Variants in RBPJ observed in about 807,000 individuals in gnomAD.
RBPJ encodes the protein recombination signal binding protein for immunoglobulin kappa J region.
In RBPJ, 9 loss-of-function variants were observed where a neutral mutation model predicts 67.8. That is an observed-to-expected ratio of 0.13 (90% confidence interval 0.08 to 0.23). RBPJ has a LOEUF of 0.23. Among genes scored for constraint, RBPJ ranks in the 10% least tolerant of loss-of-function variants. The pLI is 1.00. For missense variants in RBPJ, 305 were observed against 595.6 expected (o/e 0.51, Z 5.08); for synonymous variants, 198 against 203.3 (o/e 0.97, Z 0.22).
At position 26,430,026 on chromosome 4, in the gene RBPJ, T is replaced by A. The variant is rs115876934; in HGVS notation, c.1017T>A (p.Thr339=). 2.5e-6 allele frequency: 4 copies of A among 1,614,102 alleles called. No homozygotes were observed. In the East Asian group the frequency reaches 6.7e-5, roughly 27 times the overall value. The change falls in exon 9 of 11, where the codon ACT becomes ACA. Residue 339 remains threonine (T), a synonymous_variant. Coordinates refer to ENST00000355476, the MANE Select transcript of RBPJ (RefSeq NM_015874.6). The surrounding 1 kb of genome is among the most constrained non-coding windows in gnomAD (Gnocchi z 4.1). Reference sequence around the variant, plus strand: ...TGGGCCCTGTCCTTGCCCCAGTCACTCCTGTGCCTGTGGTAGAGAGCCTTC... The same window carrying A: ...TGGGCCCTGTCCTTGCCCCAGTCACACCTGTGCCTGTGGTAGAGAGCCTTC... The part of the protein sequence containing the change: ...EGMGPVLAPV[T]PVPVVESLQL...
intron 1 of RBPJ, among the ~76,000 whole-genome samples, chr4:26,312,947 TTC>T (rs770957382): frequency 6.6e-6 from 1 of 152,112 alleles, no homozygotes; most frequent in Non-Finnish European, 1.5e-5. Flanking sequence ...AGATGACAGG[TTC>T]TCTCTCTGTC....
chr4:26,119,624 A>C, the RBPJ span, among the ~76,000 whole-genome samples: 1 of 152,058 alleles, frequency 6.6e-6, no homozygotes. Context: ...TTCCGTGTTC[A>C]ATTTTATTTT....
chr4:26,131,532 C>T, the RBPJ span, among the ~76,000 whole-genome samples: 1 of 152,096 alleles, frequency 6.6e-6, no homozygotes, highest in Non-Finnish European at 1.5e-5. Flanking sequence ...ATAGTGACCC[C>T]AAAAGATATC....
At chr4:26,246,154 C>A (rs1165576231) in intron 1 of RBPJ, among the ~76,000 whole-genome samples, 1 of 152,192 alleles carries the variant, frequency 6.6e-6, no homozygotes, top group Non-Finnish European at 1.5e-5. Context: ...AATTTGGGAA[C>A]TATTATCATC....
chr4:26,131,357 G>A, the RBPJ span, among the ~76,000 whole-genome samples: 1 of 152,216 alleles, frequency 6.6e-6, no homozygotes, highest in South Asian at 2.1e-4. Context: ...TTTAAAAAAT[G>A]TTACAGAAAA....
intron 1 of RBPJ, among the ~76,000 whole-genome samples, chr4:26,163,836 G>A (rs184957916): frequency 3.3e-5 from 5 of 152,274 alleles, no homozygotes; most frequent in Admixed American, 2.6e-4. Flanking sequence ...CAGATGATCC[G>A]GCCTAGGCTG....
chr4:26,337,091 A>C (rs961855525), intron 1 of RBPJ, among the ~76,000 whole-genome samples: 3 of 150,950 alleles, frequency 2.0e-5, no homozygotes, highest in Admixed American at 6.6e-5. Context: ...CCTCCTGGGT[A>C]GCTGGGATTA....
intron 1 of RBPJ, among the ~76,000 whole-genome samples, chr4:26,215,223 A>G (rs1718652551): frequency 4.9e-5 from 1 of 20,590 alleles, no homozygotes; most frequent in Non-Finnish European, 1.0e-4. Context: ...AGAGAAAAAG[A>G]GAGAAAAGAG....
At chr4:26,354,451 GTTTTT>G (rs35328021) in intron 1 of RBPJ, among the ~76,000 whole-genome samples, 3 of 117,498 alleles carry the variant, frequency 2.6e-5, no homozygotes, top group Admixed American at 9.2e-5. Context: ...AAAGATTTCT[GTTTTT>G]TTTTTTTTTT....
chr4:26,354,056 G>C (rs184826431), intron 1 of RBPJ, among the ~76,000 whole-genome samples: 1 of 151,722 alleles, frequency 6.6e-6, no homozygotes, highest in African/African-American at 2.4e-5. Flanking sequence ...TCAGCCTCCC[G>C]AGTAGCTGGG....
At chr4:26,169,794 C>A (rs564421968) in intron 1 of RBPJ, among the ~76,000 whole-genome samples, 1 of 152,204 alleles carries the variant, frequency 6.6e-6, no homozygotes, top group Non-Finnish European at 1.5e-5. Flanking sequence ...GCCCCTCCCC[C>A]AGCCTCGCTG....
At chr4:26,393,774 A>C (rs1301987391) in intron 2 of RBPJ, among the ~76,000 whole-genome samples, 1 of 152,230 alleles carries the variant, frequency 6.6e-6, no homozygotes, top group East Asian at 1.9e-4. Flanking sequence ...TTTGATGAGA[A>C]ATATTTTAAC....
At chr4:26,411,846 G>A (rs376941558) in intron 3 of RBPJ, among the ~76,000 whole-genome samples, 6 of 151,902 alleles carry the variant, frequency 3.9e-5, no homozygotes, top group South Asian at 4.2e-4. Context: ...GGTGGCTCAC[G>A]CCTGTAATCC....
At chr4:26,417,426 C>A (rs1037651453) in intron 4 of RBPJ, among the ~76,000 whole-genome samples, 18 of 152,122 alleles carry the variant, frequency 1.2e-4, no homozygotes, top group African/African-American at 4.3e-4. Flanking sequence ...TATACCCTTT[C>A]CCCAAGGCCT....
At chr4:26,306,786 T>C (rs984890730) in intron 1 of RBPJ, among the ~76,000 whole-genome samples, 7 of 152,196 alleles carry the variant, frequency 4.6e-5, no homozygotes, top group Non-Finnish European at 7.4e-5. Context: ...GTCAGAAAAT[T>C]CAAATGGGTT....
At chr4:26,176,544 G>A (rs1025523689) in intron 1 of RBPJ, among the ~76,000 whole-genome samples, 17 of 152,146 alleles carry the variant, frequency 1.1e-4, no homozygotes, top group Admixed American at 9.8e-4. Flanking sequence ...AATTATCACC[G>A]TGCTTGCTAA....
intron 1 of RBPJ, among the ~76,000 whole-genome samples, chr4:26,183,862 A>C (rs183517833): frequency 6.6e-6 from 1 of 152,120 alleles, no homozygotes; most frequent in Non-Finnish European, 1.5e-5. Flanking sequence ...AATACAAAAA[A>C]TTAGCCAAGC....
intron 1 of RBPJ, among the ~76,000 whole-genome samples, chr4:26,183,055 A>G (rs1717072393): frequency 6.6e-6 from 1 of 152,252 alleles, no homozygotes; most frequent in Non-Finnish European, 1.5e-5. Flanking sequence ...TAACCTAACA[A>G]TAAAAAGTAT....
the RBPJ span, among the ~76,000 whole-genome samples, chr4:26,107,829 C>T: frequency 1.8e-4 from 28 of 152,218 alleles, no homozygotes; most frequent in South Asian, 4.1e-4. Context: ...ACCTATGAAG[C>T]GGAGGTTGCA....
Sources: allele counts gnomAD v4.1 joint callset (sites outside exome capture counted in the v4.1 genomes callset), GRCh38; gene constraint gnomAD v4.1.1; non-coding constraint Gnocchi (gnomAD v3.1); transcripts MANE v1.5; gene names NCBI Gene and HGNC (gene_info 2026-07-23, HGNC 2026-07-21).